Variants in TAFA1 observed in about 807,000 individuals in gnomAD.
TAFA1 encodes the protein chemokine-like protein TAFA-1.
In TAFA1, 4 loss-of-function variants were observed where a neutral mutation model predicts 18.5. That is an observed-to-expected ratio of 0.22 (90% CI 0.11 to 0.49). The LOEUF is 0.49. Among genes scored for constraint, TAFA1 ranks in the 20% least tolerant of loss-of-function variants. The pLI, the probability that TAFA1 is intolerant of heterozygous loss-of-function variation, is 0.98. For missense variants in TAFA1, 147 were observed against 169.0 expected, an observed-to-expected ratio of 0.87 and a Z score of 0.72; for synonymous variants, 56 against 55.2, an observed-to-expected ratio of 1.01 and a Z score of -0.06.
intron 2 of TAFA1, among the ~76,000 whole-genome samples, chr3:68,080,214 C>T (rs191957952): frequency 0.017 from 2,548 of 152,216 alleles, 74 homozygotes; most frequent in African/African-American, 0.058. Context: ...TGTCTCTGCA[C>T]GTGAGATGGA....
At chr3:68,204,972 C>T (rs2066509131) in intron 2 of TAFA1, among the ~76,000 whole-genome samples, 1 of 151,744 alleles carries the variant, frequency 6.6e-6, no homozygotes, top group Admixed American at 6.6e-5. Flanking sequence ...AAATCATATC[C>T]TATTATAGAA....
chr3:68,431,222 A>T (rs1052190029), intron 3 of TAFA1, among the ~76,000 whole-genome samples: 1 of 152,022 alleles, frequency 6.6e-6, no homozygotes, highest in African/African-American at 2.4e-5. Context: ...GAAAGAGATG[A>T]TGGAGAAATG....
intron 3 of TAFA1, among the ~76,000 whole-genome samples, chr3:68,456,387 A>G (rs928079114): frequency 6.6e-6 from 1 of 152,074 alleles, no homozygotes; most frequent in African/African-American, 2.4e-5. Context: ...GGACACTTTC[A>G]TCTTCATTTA....
chr3:68,424,546 C>A (rs2071018728), intron 3 of TAFA1, among the ~76,000 whole-genome samples: 1 of 151,646 alleles, frequency 6.6e-6, no homozygotes, highest in Non-Finnish European at 1.5e-5. Context: ...AGAACTTCTG[C>A]AAAAATTCCT....
intron 1 of TAFA1, among the ~76,000 whole-genome samples, chr3:68,005,028 A>C (rs1704333571): frequency 6.6e-6 from 1 of 152,184 alleles, no homozygotes; most frequent in African/African-American, 2.4e-5. Context: ...TGGTTGTGGC[A>C]GGATTTTTTT....
chr3:68,290,388 C>A (rs899718212), intron 2 of TAFA1, among the ~76,000 whole-genome samples: 3 of 152,134 alleles, frequency 2.0e-5, no homozygotes, highest in African/African-American at 7.2e-5. Flanking sequence ...TTCTTGTTCA[C>A]ATCTGTCTAT....
At chr3:68,496,508 C>T (rs1233858694) in intron 3 of TAFA1, among the ~76,000 whole-genome samples, 2 of 152,092 alleles carry the variant, frequency 1.3e-5, no homozygotes, top group African/African-American at 4.8e-5. Flanking sequence ...ACTTAATGGG[C>T]TTTCAGGCAA....
At chr3:68,114,414 G>A (rs1222008787) in intron 2 of TAFA1, among the ~76,000 whole-genome samples, 1 of 152,172 alleles carries the variant, frequency 6.6e-6, no homozygotes, top group Non-Finnish European at 1.5e-5. Context: ...ACAGCTAAAT[G>A]ATAAAAATAG....
intron 3 of TAFA1, among the ~76,000 whole-genome samples, chr3:68,432,667 C>T (rs751201275): frequency 3.9e-5 from 6 of 151,954 alleles, no homozygotes; most frequent in East Asian, 1.9e-4. Context: ...AAGTTGAACG[C>T]GACATGCCGT....
chr3:68,491,927 G>A (rs2106683638), intron 3 of TAFA1, among the ~76,000 whole-genome samples: 1 of 152,216 alleles, frequency 6.6e-6, no homozygotes, highest in South Asian at 2.1e-4. Flanking sequence ...TAATTCTGAA[G>A]CCCACCAAAG....
chr3:68,377,621 A>G (rs932125909), intron 2 of TAFA1, among the ~76,000 whole-genome samples: 2 of 152,234 alleles, frequency 1.3e-5, no homozygotes, highest in Non-Finnish European at 2.9e-5. Flanking sequence ...TGCATAAGTA[A>G]CGAGGATTTA....
chr3:68,211,175 T>G (rs1472677073), intron 2 of TAFA1, among the ~76,000 whole-genome samples: 4 of 152,004 alleles, frequency 2.6e-5, no homozygotes, highest in Admixed American at 2.0e-4. Flanking sequence ...TACAATATCT[T>G]ATCGGCTATG....
chr3:68,378,525 G>A (rs147126680), intron 2 of TAFA1, among the ~76,000 whole-genome samples: 6 of 152,128 alleles, frequency 3.9e-5, no homozygotes, highest in East Asian at 3.9e-4. Context: ...GCCTTCTCTC[G>A]GATGAGACTT....
intron 2 of TAFA1, among the ~76,000 whole-genome samples, chr3:68,022,842 T>TA (rs1491146398): frequency 1.5e-5 from 2 of 137,366 alleles, no homozygotes; most frequent in African/African-American, 5.7e-5. Flanking sequence ...TATATATATA[T>TA]TATATATATA....
intron 2 of TAFA1, among the ~76,000 whole-genome samples, chr3:68,288,438 G>C (rs1332178193): frequency 6.6e-6 from 1 of 152,164 alleles, no homozygotes; most frequent in African/African-American, 2.4e-5. Context: ...CATTGGCTCA[G>C]CTTCCTGGAG....
intron 2 of TAFA1, among the ~76,000 whole-genome samples, chr3:68,398,890 G>C (rs1288706339): frequency 6.6e-6 from 1 of 152,068 alleles, no homozygotes; most frequent in Non-Finnish European, 1.5e-5. Context: ...TTATCTAAAG[G>C]AATAAGTTTA....
chr3:68,360,170 C>T (rs745697847), intron 2 of TAFA1, among the ~76,000 whole-genome samples: 4 of 151,886 alleles, frequency 2.6e-5, no homozygotes, highest in Admixed American at 6.6e-5. Context: ...TGCTAAATGT[C>T]GTGGTGATTT....
intron 2 of TAFA1, among the ~76,000 whole-genome samples, chr3:68,096,285 A>T (rs963672931): frequency 6.6e-6 from 1 of 152,138 alleles, no homozygotes; most frequent in East Asian, 1.9e-4. Flanking sequence ...GTCAAATAGT[A>T]TTCCATTGTA....
At chr3:68,408,583 T>C (rs886314953) in intron 2 of TAFA1, among the ~76,000 whole-genome samples, 2 of 152,220 alleles carry the variant, frequency 1.3e-5, no homozygotes, top group African/African-American at 4.8e-5. Flanking sequence ...ATTTTCCTTT[T>C]CTTTCCCTTT....
Sources: gnomAD v4.1 joint callset for allele counts (sites outside exome capture counted in the v4.1 genomes callset) on GRCh38, gnomAD v4.1.1 for gene constraint, MANE v1.5 for transcripts, NCBI Gene and HGNC (gene_info 2026-07-23, HGNC 2026-07-21) for gene names.